Variants in CNOT3 observed in about 807,000 individuals in gnomAD.
CNOT3 encodes the protein CCR4-NOT transcription complex subunit 3, also known as CCR4-associated factor 3.
A neutral mutation model predicts 89.4 loss-of-function variants in CNOT3; 2 were observed. That is an observed-to-expected ratio of 0.02 (90% CI 0.01 to 0.07). The LOEUF is 0.07. Among genes scored for constraint, CNOT3 ranks in the 10% least tolerant of loss-of-function variants. CNOT3 has a pLI of 1.00. For synonymous variants in CNOT3, 486 were observed against 402.0 expected, an observed-to-expected ratio of 1.21 and a Z score of -2.50; for missense variants, 664 against 1,010.2, an observed-to-expected ratio of 0.66 and a Z score of 4.65.
intron 4 of CNOT3, 22 bp from the exon 5 acceptor site, chr19:54,143,638 T>G: frequency 6.2e-7 from 1 of 1,613,266 alleles, no homozygotes; most frequent in Non-Finnish European, 8.5e-7. Context: ...AGGTCTGACT[T>G]TCTTGCTTTT....
In CNOT3 at chr19:54,146,612, A is replaced by T; in HGVS notation, c.849A>T (p.Glu283Asp). 6.5e-7 allele frequency: 1 copy of T among 1,541,624 alleles called. No homozygotes were observed. Among genetic ancestry groups the T allele is most frequent in the Non-Finnish European group, 9.0e-7 (1 of 1,114,022 alleles). Reference sequence around the variant, plus strand: ...CTCCCCTACCTCAGGAAAACTCTGAAGATGATAAGAAGAGGGGACGTTCCA... The same window carrying T: ...CTCCCCTACCTCAGGAAAACTCTGATGATGATAAGAAGAGGGGACGTTCCA... ...SPANCTTENSEDDKKRGRSTD... is the reference protein window; with the variant it reads ...SPANCTTENSDDDKKRGRSTD... Residue 283 changes from glutamate (E) to aspartate (D), a missense_variant, in exon 10 of 18, where the codon GAA becomes GAT. By Grantham distance (45) the Glu-to-Asp change is conservative (BLOSUM62 2). Coordinates refer to ENST00000221232, the MANE Select transcript of CNOT3 (RefSeq NM_014516.4).
At chr19:54,150,664 T>A (rs1408543609) in intron 13 of CNOT3, among the ~76,000 whole-genome samples, 2 of 107,734 alleles carry the variant, frequency 1.9e-5, no homozygotes, top group Non-Finnish European at 4.5e-5. Flanking sequence ...GGCATTGTCC[T>A]TTCTGTGCCT....
At chr19:54,152,731 G>C (rs1433651070) in intron 15 of CNOT3, 105 bp downstream of exon 15, 1 of 1,063,616 alleles carries the variant, frequency 9.4e-7, no homozygotes, top group Non-Finnish European at 1.4e-6. Flanking sequence ...CCCTGACTTG[G>C]GCTCTCCACT....
In CNOT3 at chr19:54,148,335, C is replaced by T. The variant is rs1311550484; in HGVS notation, c.1082C>T (p.Pro361Leu). ...SALGPKASPA[P>L]SHNSGTPAPY... ...CTGGGCCCCAAGGCCAGTCCAGCTC[C>T]CAGCCACAACTCGGGCACCCCTGCT... is the stretch of plus-strand genomic sequence containing the variant. Residue 361 changes from proline to leucine, a missense_variant, in exon 11 of 18, where the codon CCC becomes CTC. This residue lies in a region of CNOT3 where 545 missense variants were observed against 566.2 expected (regional missense o/e 0.96). Transcript: ENST00000221232. This position sits in a 1 kb window ranked among gnomAD's most constrained non-coding sequence, Gnocchi z 6.3. 1.3e-6 allele frequency: 2 copies of T among 1,594,430 alleles called. No homozygotes were observed. The highest frequency in any genetic ancestry group is 2.2e-5 in the East Asian group (1 of 44,708).
At chr19:54,147,239 C>T (rs587773389) in intron 10 of CNOT3, among the ~76,000 whole-genome samples, 47 of 152,386 alleles carry the variant, frequency 3.1e-4, no homozygotes, top group African/African-American at 9.9e-4. Context: ...CTTTCGGAAA[C>T]GCTGCTACAG....
chr19:54,149,577 CA>C lies in CNOT3; in HGVS notation c.1425del (p.Ala476ProfsTer27), dbSNP rs752234234. ...CTCTCCAGGAAGGAACCCAGTGCGG[CA>C]GCCCCAACGGGGGCTGGGGGCGTGG... is the stretch of plus-strand genomic sequence containing the variant. ...PPSTSKEPSA[A>X]APTGAGGVAP... On this transcript the variant is annotated frameshift_variant, in exon 13 of 18. Coordinates refer to ENST00000221232, the MANE Select transcript of CNOT3 (RefSeq NM_014516.4). LOFTEE classifies it high-confidence loss of function. 6.9e-6 allele frequency: 11 copies of C among 1,595,620 alleles called. No individual in the cohort carries two copies. Among genetic ancestry groups the C allele is most frequent in the Non-Finnish European group, 9.4e-6 (11 of 1,169,492 alleles).
At position 54,148,687 on chromosome 19, in the gene CNOT3, C is replaced by T. The variant is rs2074844975; in HGVS notation, c.1350C>T (p.Ala450=). Residue 450 remains alanine (A), a synonymous_variant, in exon 12 of 18, where the codon GCC becomes GCT. Coordinates refer to ENST00000221232, the MANE Select transcript of CNOT3 (RefSeq NM_014516.4). This position sits in a 1 kb window ranked among gnomAD's most constrained non-coding sequence, Gnocchi z 6.3. ...TGAGCAGCAGTGGGGGCAACAATGC[C>T]AGCAGCCAGGCCTTGGGCCCCCCTT... ...VALSSSGGNN[A]SSQALGPPSG... 6.2e-7 allele frequency: 1 copy of T among 1,611,826 alleles called. No homozygotes were observed. Among genetic ancestry groups the T allele is most frequent in the Non-Finnish European group, 8.5e-7 (1 of 1,179,212 alleles).
At position 54,149,598 on chromosome 19, in the gene CNOT3, G is replaced by T. The variant is rs755135238; in HGVS notation, c.1445G>T (p.Gly482Val). The change falls in exon 13 of 18, where the codon GGC (glycine) becomes GTC (valine). Residue 482 changes from glycine to valine, a missense_variant. Around this residue, in one of 8 missense-constraint regions of CNOT3, gnomAD observed 545 missense variants for 566.2 expected, o/e 0.96. Transcript: ENST00000221232. ...PSAAAPTGAG[G>V]VAPGSGNNSG... ...GCGGCAGCCCCAACGGGGGCTGGGG[G>T]CGTGGCCCCAGGCTCAGGGAACAAC... 1.2e-5 allele frequency: 20 copies of T among 1,609,188 alleles called. No individual in the cohort carries two copies. In the East Asian group the frequency reaches 3.8e-4, roughly 31 times the overall value.
Position 54,142,999 on chromosome 19 carries a change from C to T in CNOT3, c.21C>T (p.Leu7=). 1 of 1,614,074 alleles carries T rather than the reference C, an allele frequency of 6.2e-7. No individual in the cohort carries two copies. The highest frequency in any genetic ancestry group is 8.5e-7 in the Non-Finnish European group (1 of 1,180,000). The change falls in exon 2 of 18, where the codon CTC becomes CTT. Residue 7 remains leucine (L), a synonymous_variant. Coordinates refer to ENST00000221232, the MANE Select transcript of CNOT3 (RefSeq NM_014516.4). The part of the protein sequence containing the change: MADKRK[L]QGEIDRCLKK... ...GGAAGATGGCGGACAAGCGCAAACT[C>T]CAAGGTACTAGACTGACTTCCTGCT...
At chr19:54,141,163 A>G (rs36636) in intron 1 of CNOT3, among the ~76,000 whole-genome samples, 88,588 of 151,966 alleles carry the variant, frequency 0.58, 25,948 homozygotes, top group East Asian at 0.77. Flanking sequence ...TGGGTCAAAG[A>G]GGCTTTCCCC....
Position 54,152,646 on chromosome 19 carries a change from G to A in CNOT3, c.1904+20G>A. ...TATTCGGTGAGGGGCCACAGGGAAG[G>A]GGGATGGTCTGGGACTTGAGTCTTA... On this transcript the variant is annotated intron_variant, in intron 15 of 17. Transcript: ENST00000221232. The A allele has an allele frequency of 6.3e-7, 1 of 1,593,394 alleles. No individual in the cohort carries two copies. Among genetic ancestry groups the A allele is most frequent in the East Asian group, 2.2e-5 (1 of 44,744 alleles).
At position 54,148,324 on chromosome 19, in the gene CNOT3, C is replaced by T. The variant is rs1478845042; in HGVS notation, c.1071C>T (p.Ala357=). 9 of 1,595,918 alleles carry T rather than the reference C, an allele frequency of 5.6e-6. No individual in the cohort carries two copies. Among genetic ancestry groups the T allele is most frequent in the Non-Finnish European group, 7.7e-6 (9 of 1,171,074 alleles). ...AAPPSALGPK[A]SPAPSHNSGT... Reference sequence around the variant, plus strand: ...CCCCAAGTGCCCTGGGCCCCAAGGCCAGTCCAGCTCCCAGCCACAACTCGG... The same window carrying T: ...CCCCAAGTGCCCTGGGCCCCAAGGCTAGTCCAGCTCCCAGCCACAACTCGG... Residue 357 remains alanine, a synonymous_variant, in exon 11 of 18, where the codon GCC becomes GCT. Coordinates refer to ENST00000221232, the MANE Select transcript of CNOT3 (RefSeq NM_014516.4). This position sits in a 1 kb window ranked among gnomAD's most constrained non-coding sequence, Gnocchi z 6.3.
chr19:54,148,759 A>T lies in CNOT3; in HGVS notation c.1406+16A>T. On this transcript the variant is annotated intron_variant, in intron 12 of 17. Transcript: ENST00000221232. This position sits in a 1 kb window ranked among gnomAD's most constrained non-coding sequence, Gnocchi z 6.3. The stretch of plus-strand genomic sequence containing the variant: ...CCAGCACCTCGTGAGTGTCTCGGCC[A>T]TCGGCAGGGTTGGGATGGCAGCCTT... 1 of 1,608,152 alleles carries T rather than the reference A, an allele frequency of 6.2e-7. No individual in the cohort carries two copies. The highest frequency in any genetic ancestry group is 2.2e-5 in the East Asian group (1 of 44,752).
rs1379382956 is a variant in CNOT3 at position 54,148,531 on chromosome 19, C to T, written c.1278C>T (p.Ala426=). Residue 426 remains alanine (A), a synonymous_variant, in exon 11 of 18, where the codon GCC becomes GCT. Transcript: ENST00000221232. The surrounding 1 kb of genome is among the most constrained non-coding windows in gnomAD (Gnocchi z 6.3). ...GAGGGGCTGGCAAGCAGAATGGCGC[C>T]ACCAGTGAGTGAGGAGGCAGCGGGG... is the stretch of plus-strand genomic sequence containing the variant. ...AGGGAGKQNG[A]TSYSSVVADS... The T allele has an allele frequency of 6.4e-7, 1 of 1,562,804 alleles. No individual in the cohort carries two copies. Among genetic ancestry groups the T allele is most frequent in the East Asian group, 2.3e-5 (1 of 43,152 alleles).
At chr19:54,152,668 C>CT in intron 15 of CNOT3, 42 bp downstream of exon 15, 1 of 1,515,190 alleles carries the variant, frequency 6.6e-7, no homozygotes, top group Non-Finnish European at 9.1e-7. Flanking sequence ...GGACTTGAGT[C>CT]TTACGGAGGA....
chr19:54,148,010 C>T lies in CNOT3; in HGVS notation c.895-138C>T. ...GAGGGTGAGTAAGGTCACCCAGGTC[C>T]CCAAGAGGGCAGGAGCAGGTGGGGG... On this transcript the variant is annotated intron_variant, in intron 10 of 17. Transcript: ENST00000221232. The surrounding 1 kb of genome is among the most constrained non-coding windows in gnomAD (Gnocchi z 6.3). 1.8e-6 allele frequency: 1 copy of T among 561,346 alleles called. No homozygotes were observed. The highest frequency in any genetic ancestry group is 2.0e-5 in the African/African-American group (1 of 50,826). 34.8% of individuals were successfully genotyped at this position (561,346 alleles called of 1,614,324 possible).
In CNOT3 at chr19:54,143,710, C is replaced by T; in HGVS notation, c.219C>T (p.Asp73=). ...KTWVASNEIK[D]KRQLIDNRKL... is the part of the protein sequence containing the mutation. ...GGGTAGCGTCCAACGAGATCAAGGA[C>T]AAGAGGCAGCTTATAGACAACCGCA... The change falls in exon 5 of 18, where the codon GAC becomes GAT. Residue 73 remains aspartate (D), a synonymous_variant. Coordinates refer to ENST00000221232, the MANE Select transcript of CNOT3 (RefSeq NM_014516.4). 1 of 1,613,960 alleles carries T rather than the reference C, an allele frequency of 6.2e-7. No individual in the cohort carries two copies. Among genetic ancestry groups the T allele is most frequent in the Non-Finnish European group, 8.5e-7 (1 of 1,180,002 alleles).
At chr19:54,143,408 C>T (rs757960730) in intron 3 of CNOT3, 34 bp from the exon 4 acceptor site, 1 of 1,608,844 alleles carries the variant, frequency 6.2e-7, no homozygotes. Context: ...ACATCCCCTC[C>T]CACACTGACT....
intron 13 of CNOT3, 73 bp downstream of exon 13, chr19:54,149,831 C>A: frequency 7.1e-7 from 1 of 1,406,214 alleles, no homozygotes; most frequent in Non-Finnish European, 9.5e-7. Context: ...TCTCTAGCTG[C>A]ACCCCTTGCC....
Sources: gnomAD v4.1 joint callset for allele counts (sites outside exome capture counted in the v4.1 genomes callset) on GRCh38, gnomAD v4.1.1 for gene constraint, gnomAD v4.1.1 regional missense constraint, Gnocchi (gnomAD v3.1) non-coding constraint, MANE v1.5 for transcripts, NCBI Gene and HGNC (gene_info 2026-07-23, HGNC 2026-07-21) for gene names.